The following ZEB1 variants were observed in gnomAD, a reference collection of about 807,000 sequenced individuals.
ZEB1 encodes zinc finger E-box binding homeobox 1.
A neutral mutation model predicts 84.9 loss-of-function variants in ZEB1; 21 were observed. The observed-to-expected ratio is 0.25, with a 90% confidence interval of 0.18 to 0.36. The LOEUF is 0.36. ZEB1 is among the 10% of genes least tolerant of loss of function. The probability of loss-of-function intolerance (pLI) is 1.00; values close to 1 mark genes in which losing one functional copy is unlikely to be tolerated. For missense variants in ZEB1, 1,104 were observed against 1,330.2 expected, an observed-to-expected ratio of 0.83 and a Z score of 2.65; for synonymous variants, 420 against 471.1, an observed-to-expected ratio of 0.89 and a Z score of 1.41.
At chr10:31,331,336 T>C (rs959132201) in intron 1 of ZEB1, among the ~76,000 whole-genome samples, 1 of 152,136 alleles carries the variant, frequency 6.6e-6, no homozygotes, top group Non-Finnish European at 1.5e-5. Flanking sequence ...TCTGCCTGCC[T>C]CAGCCTCCCA....
intron 1 of ZEB1, among the ~76,000 whole-genome samples, chr10:31,351,230 CTT>C (rs1201475790): frequency 6.6e-6 from 1 of 152,168 alleles, no homozygotes; most frequent in Non-Finnish European, 1.5e-5. Context: ...AGACCTTACT[CTT>C]ACGGTACAGT....
At chr10:31,442,301 C>T (rs146296706) in intron 1 of ZEB1, among the ~76,000 whole-genome samples, 8,844 of 151,992 alleles carry the variant, frequency 0.058, 722 homozygotes, top group African/African-American at 0.18. Context: ...AGCAAACTAT[C>T]GCAAGGACAA....
intron 1 of ZEB1, among the ~76,000 whole-genome samples, chr10:31,407,950 A>T (rs564544885): frequency 2.0e-5 from 3 of 148,014 alleles, no homozygotes; most frequent in Admixed American, 1.3e-4. Flanking sequence ...GAGGAAGTCA[A>T]ATTGTCCCTG....
intron 2 of ZEB1, among the ~76,000 whole-genome samples, chr10:31,478,926 T>TTG (rs2064666873): frequency 1.3e-5 from 2 of 151,884 alleles, no homozygotes; most frequent in African/African-American, 4.8e-5. Context: ...TGGGTACAGC[T>TTG]TGTTCACTGT....
chr10:31,382,922 T>C (rs2134928310), intron 1 of ZEB1, among the ~76,000 whole-genome samples: 1 of 152,200 alleles, frequency 6.6e-6, no homozygotes, highest in South Asian at 2.1e-4. Flanking sequence ...TGAGGTTTTT[T>C]TCATTGTATT....
chr10:31,403,535 T>G (rs896286648), intron 1 of ZEB1, among the ~76,000 whole-genome samples: 2 of 152,062 alleles, frequency 1.3e-5, no homozygotes, highest in Admixed American at 1.3e-4. Flanking sequence ...ATTCAATTCT[T>G]AGATGGAATA....
At chr10:31,359,550 A>C (rs895772844) in intron 1 of ZEB1, among the ~76,000 whole-genome samples, 1 of 152,114 alleles carries the variant, frequency 6.6e-6, no homozygotes, top group African/African-American at 2.4e-5. Flanking sequence ...CTTAAAATTA[A>C]GAACCTTATA....
At chr10:31,403,810 T>C (rs1316644618) in intron 1 of ZEB1, among the ~76,000 whole-genome samples, 1 of 152,086 alleles carries the variant, frequency 6.6e-6, no homozygotes, top group African/African-American at 2.4e-5. Context: ...TAGGTACTTC[T>C]TAACATCTCT....
chr10:31,467,931 C>A (rs374282945), intron 2 of ZEB1, among the ~76,000 whole-genome samples: 1 of 152,174 alleles, frequency 6.6e-6, no homozygotes. Context: ...ATTTGCATAA[C>A]TAATTGGGCC....
intron 1 of ZEB1, among the ~76,000 whole-genome samples, chr10:31,443,996 C>T (rs2059415386): frequency 6.7e-6 from 1 of 149,946 alleles, no homozygotes; most frequent in Non-Finnish European, 1.5e-5. Context: ...ACACTGTCTT[C>T]CACAATGGTT....
chr10:31,373,839 C>T (rs2046152871), intron 1 of ZEB1, among the ~76,000 whole-genome samples: 1 of 151,734 alleles, frequency 6.6e-6, no homozygotes, highest in Admixed American at 6.6e-5. Context: ...CTCTCTCCTG[C>T]CTTACACATA....
intron 2 of ZEB1, among the ~76,000 whole-genome samples, chr10:31,468,488 C>A (rs1240116739): frequency 2.6e-5 from 4 of 152,160 alleles, no homozygotes; most frequent in Admixed American, 2.6e-4. Context: ...CTGCACAACC[C>A]AATATAATTC....
chr10:31,371,310 C>T (rs1325468947), intron 1 of ZEB1, among the ~76,000 whole-genome samples: 2 of 152,096 alleles, frequency 1.3e-5, no homozygotes, highest in Non-Finnish European at 2.9e-5. Context: ...TTCTGAAATA[C>T]AGAAAGCCTT....
rs756298280 is a variant in ZEB1 at position 31,520,268 on chromosome 10, T to C, written c.936T>C (p.Cys312=). 1 of 1,613,984 alleles carries C rather than the reference T, an allele frequency of 6.2e-7. No individual in the cohort carries two copies. Among genetic ancestry groups the C allele is most frequent in the Non-Finnish European group, 8.5e-7 (1 of 1,179,916 alleles). Reference sequence around the variant, plus strand: ...GAACAGGACTCAAGACATCTCAGTGTTCTTCACCGTCTCTTTCAGCATCAC... The same window carrying C: ...GAACAGGACTCAAGACATCTCAGTGCTCTTCACCGTCTCTTTCAGCATCAC... The part of the protein sequence containing the change: ...RPRTGLKTSQ[C]SSPSLSASPG... The change falls in exon 7 of 9, where the codon TGT becomes TGC. Residue 312 remains cysteine, a synonymous_variant. Coordinates refer to ENST00000424869, the MANE Select transcript of ZEB1 (RefSeq NM_001174096.2). This position sits in a 1 kb window ranked among gnomAD's most constrained non-coding sequence, Gnocchi z 5.1.
At chr10:31,505,547 A>C (rs1270258383) in intron 4 of ZEB1, among the ~76,000 whole-genome samples, 3 of 151,550 alleles carry the variant, frequency 2.0e-5, no homozygotes, top group African/African-American at 7.3e-5. Context: ...TAGGTTTTTC[A>C]GTTTTTTCAT....
At chr10:31,446,526 T>C (rs1004806672) in intron 1 of ZEB1, among the ~76,000 whole-genome samples, 6 of 150,546 alleles carry the variant, frequency 4.0e-5, no homozygotes, top group African/African-American at 1.2e-4. Context: ...TTTGGATCTT[T>C]CCTGCTTTCT....
Position 31,427,133 on chromosome 10 carries a change from C to CA in ZEB1, c.59-33894dup, listed in dbSNP as rs201322381. 2.0e-3 allele frequency among the ~76,000 whole-genome samples: 290 copies of CA among 147,178 alleles called. 1 individual carries two copies. The highest frequency in any genetic ancestry group is 5.3e-3 in the African/African-American group (213 of 40,212). On this transcript the variant is annotated intron_variant, in intron 1 of 8. Transcript: ENST00000424869. Reference sequence around the variant, plus strand: ...AGGTGTGTGCAAGCTTGTCGTAATTCAAAAAAAAAATCCATTGTTAAATTT... The same window carrying CA: ...AGGTGTGTGCAAGCTTGTCGTAATTCAAAAAAAAAAATCCATTGTTAAATTT...
chr10:31,355,618 G>C (rs2041993109), intron 1 of ZEB1, among the ~76,000 whole-genome samples: 1 of 152,114 alleles, frequency 6.6e-6, no homozygotes. Flanking sequence ...TAACTTTTGG[G>C]CTGAGATTGG....
At chr10:31,439,320 C>T (rs1285805099) in intron 1 of ZEB1, among the ~76,000 whole-genome samples, 3 of 152,108 alleles carry the variant, frequency 2.0e-5, no homozygotes, top group African/African-American at 7.2e-5. Context: ...TATTTGCATA[C>T]ATGTGTTAAT....
Sources: gnomAD v4.1 joint callset for allele counts (sites outside exome capture counted in the v4.1 genomes callset) on GRCh38, gnomAD v4.1.1 for gene constraint, Gnocchi (gnomAD v3.1) non-coding constraint, MANE v1.5 for transcripts, NCBI Gene and HGNC (gene_info 2026-07-23, HGNC 2026-07-21) for gene names.